Variants in ABCB5 observed in about 807,000 individuals in gnomAD.
ABCB5 encodes the protein ATP-binding cassette sub-family B member 5.
In ABCB5, 155 loss-of-function variants were observed where a neutral mutation model predicts 144.2. The ratio of observed to expected loss-of-function variants is 1.08; its 90% confidence interval spans 0.94 to 1.23. ABCB5 has a LOEUF of 1.23. ABCB5 is among the 50% of genes most tolerant of loss of function. The pLI is 0.00. For synonymous variants in ABCB5, 610 were observed against 528.6 expected (o/e 1.15, Z -2.11); for missense variants, 1,830 against 1,520.8 (o/e 1.20, Z -3.38).
intron 19 of ABCB5, among the ~76,000 whole-genome samples, chr7:20,702,825 C>T (rs1053577908): frequency 3.2e-5 from 4 of 125,104 alleles, no homozygotes; most frequent in African/African-American, 1.2e-4. Context: ...CCACGCCTGG[C>T]TAATTTTTTT....
At chr7:20,691,365 G>A (rs895466334) in intron 16 of ABCB5, among the ~76,000 whole-genome samples, 1 of 151,634 alleles carries the variant, frequency 6.6e-6, no homozygotes, top group African/African-American at 2.4e-5. Flanking sequence ...AAGAACCGGA[G>A]AGGAGAGAAC....
chr7:20,668,429 T>A (rs1785297104), intron 14 of ABCB5, among the ~76,000 whole-genome samples: 1 of 149,494 alleles, frequency 6.7e-6, no homozygotes, highest in African/African-American at 2.5e-5. Context: ...GTCTGGGAGG[T>A]GAGGAGCGTC....
chr7:20,632,045 A>G lies in ABCB5; in HGVS notation c.260-14A>G. 1 of 1,488,342 alleles carries G rather than the reference A, an allele frequency of 6.7e-7. No individual in the cohort carries two copies. The highest frequency in any genetic ancestry group is 1.3e-5 in the South Asian group (1 of 76,216). The allele number at this position is 1,488,342 out of a possible 1,614,324, so 92.2% of individuals were successfully genotyped here. The stretch of plus-strand genomic sequence containing the variant: ...AATTAATTTCCTCTATATTTTAAAT[A>G]ACCTTTTTTACAGCAAATTATCAGA... On this transcript the variant is annotated splice_polypyrimidine_tract_variant and intron_variant, in intron 4 of 27. Coordinates refer to ENST00000404938, the MANE Select transcript of ABCB5 (RefSeq NM_001163941.2).
At chr7:20,749,060 C>CTCTCCCTTTCTTTG (rs1782826139) in intron 26 of ABCB5, among the ~76,000 whole-genome samples, 2 of 150,240 alleles carry the variant, frequency 1.3e-5, no homozygotes, top group Non-Finnish European at 3.0e-5. Context: ...CCCTTTCTTT[C>CTCTCCCTTTCTTTG]TCTCTCCCTT....
At position 20,745,237 on chromosome 7, in the gene ABCB5, T is replaced by C. The variant is rs1397829355; in HGVS notation, c.3228T>C (p.Phe1076=). ...CTCCAATCTGCTTTTGGCAGCTGTT[T>C]GATGGTGTGGATGCAAAAGAATTGA... ...LYDPVQGQVL[F]DGVDAKELNV... Residue 1076 remains phenylalanine (F), a synonymous_variant, in exon 26 of 28, where the codon TTT becomes TTC. Coordinates refer to ENST00000404938, the MANE Select transcript of ABCB5 (RefSeq NM_001163941.2). 9.3e-6 allele frequency: 15 copies of C among 1,613,822 alleles called. No individual in the cohort carries two copies. Among genetic ancestry groups the C allele is most frequent in the Non-Finnish European group, 1.3e-5 (15 of 1,179,870 alleles).
intron 20 of ABCB5, among the ~76,000 whole-genome samples, chr7:20,717,383 C>T (rs1017621579): frequency 2.0e-4 from 30 of 151,590 alleles, no homozygotes; most frequent in African/African-American, 7.0e-4. Context: ...GTCTTCTATG[C>T]GTCCTCACAG....
At chr7:20,674,080 C>A (rs1034622068) in intron 14 of ABCB5, among the ~76,000 whole-genome samples, 10 of 151,812 alleles carry the variant, frequency 6.6e-5, no homozygotes, top group African/African-American at 2.2e-4. Flanking sequence ...TAAGCTATTG[C>A]GATTAGACAT....
intron 20 of ABCB5, among the ~76,000 whole-genome samples, chr7:20,719,098 A>T (rs958337677): frequency 6.6e-6 from 1 of 152,202 alleles, no homozygotes; most frequent in East Asian, 1.9e-4. Context: ...CTGAATGTGT[A>T]TAAGTATTTA....
intron 26 of ABCB5, among the ~76,000 whole-genome samples, chr7:20,750,224 C>T (rs1429001028): frequency 6.6e-6 from 1 of 151,900 alleles, no homozygotes; most frequent in East Asian, 1.9e-4. Context: ...ACAAAGTGAA[C>T]TAAAACAAGA....
chr7:20,670,233 T>C (rs370820236), intron 14 of ABCB5, among the ~76,000 whole-genome samples: 1 of 152,172 alleles, frequency 6.6e-6, no homozygotes, highest in Non-Finnish European at 1.5e-5. Context: ...GAATAAAATA[T>C]GGAGTTTAGA....
chr7:20,688,987 G>T (rs1450759705), intron 16 of ABCB5, among the ~76,000 whole-genome samples: 2 of 151,670 alleles, frequency 1.3e-5, no homozygotes, highest in Non-Finnish European at 1.5e-5. Flanking sequence ...AGAGGGGGGA[G>T]GGATAGCATT....
intron 1 of ABCB5, among the ~76,000 whole-genome samples, chr7:20,617,803 G>T (rs973052782): frequency 6.6e-6 from 1 of 152,132 alleles, no homozygotes; most frequent in Non-Finnish European, 1.5e-5. Context: ...CCAAAAGAGA[G>T]CTGGAATGGT....
At chr7:20,754,312 C>G (rs1185180712) in intron 27 of ABCB5, among the ~76,000 whole-genome samples, 1 of 152,184 alleles carries the variant, frequency 6.6e-6, no homozygotes, top group East Asian at 1.9e-4. Flanking sequence ...GATTATTATT[C>G]TTGATTCTCA....
At chr7:20,736,193 G>T (rs529894713) in intron 23 of ABCB5, among the ~76,000 whole-genome samples, 29 of 152,172 alleles carry the variant, frequency 1.9e-4, no homozygotes, top group South Asian at 8.3e-4. Flanking sequence ...AGAAGTGTGA[G>T]AGCTTTTTTT....
At position 20,623,260 on chromosome 7, in the gene ABCB5, T is replaced by C; in HGVS notation, c.-21-5T>C. The C allele has an allele frequency of 6.8e-7, 1 of 1,467,244 alleles. No homozygotes were observed. Among genetic ancestry groups the C allele is most frequent in the South Asian group, 1.2e-5 (1 of 82,168 alleles). 90.9% of individuals were successfully genotyped at this position (1,467,244 alleles called of 1,614,324 possible). A position where few individuals can be genotyped will look rare whatever the true frequency, so the allele number is the denominator to read the frequency against. On this transcript the variant is annotated splice_region_variant and splice_polypyrimidine_tract_variant and intron_variant, in intron 1 of 27. Coordinates refer to ENST00000404938, the MANE Select transcript of ABCB5 (RefSeq NM_001163941.2). Reference sequence around the variant, plus strand: ...CATAATACATTTGTTAAAATTGTATTTCAGAAGAAGTAAATTGTAAATAAG... The same window carrying C: ...CATAATACATTTGTTAAAATTGTATCTCAGAAGAAGTAAATTGTAAATAAG...
chr7:20,645,615 G>A, intron 7 of ABCB5, 141 bp from the exon 8 acceptor site: 1 of 1,057,608 alleles, frequency 9.5e-7, no homozygotes, highest in Non-Finnish European at 1.3e-6. Flanking sequence ...AGTATTTGAA[G>A]ACAAATTTTT....
chr7:20,728,430 C>A lies in ABCB5; in HGVS notation c.2842C>A (p.Arg948=). 5 of 1,614,082 alleles carry A rather than the reference C, an allele frequency of 3.1e-6. No homozygotes were observed. The highest frequency in any genetic ancestry group is 4.2e-6 in the Non-Finnish European group (5 of 1,179,994). ...RFGAYLIQAG[R]MTPEGMFIVF... is the part of the protein sequence containing the mutation. The stretch of plus-strand genomic sequence containing the variant: ...TGGAGCCTATTTAATTCAAGCTGGA[C>A]GAATGACCCCAGAGGGCATGTTCAT... The change falls in exon 23 of 28, where the codon CGA becomes AGA. Residue 948 remains arginine, a synonymous_variant. Coordinates refer to ENST00000404938, the MANE Select transcript of ABCB5 (RefSeq NM_001163941.2).
At chr7:20,737,596 A>C (rs1782428378) in intron 23 of ABCB5, among the ~76,000 whole-genome samples, 1 of 152,194 alleles carries the variant, frequency 6.6e-6, no homozygotes, top group Non-Finnish European at 1.5e-5. Flanking sequence ...CTATTTTCTC[A>C]GTTATTGATT....
intron 17 of ABCB5, among the ~76,000 whole-genome samples, chr7:20,699,016 A>G (rs930279148): frequency 1.3e-5 from 2 of 152,204 alleles, no homozygotes; most frequent in African/African-American, 4.8e-5. Context: ...AATGTTAACT[A>G]AAGTTCTAGC....
Sources: allele counts gnomAD v4.1 joint callset (sites outside exome capture counted in the v4.1 genomes callset), GRCh38; gene constraint gnomAD v4.1.1; transcripts MANE v1.5; gene names NCBI Gene and HGNC (gene_info 2026-07-23, HGNC 2026-07-21).